Variants in PDE8B observed in about 807,000 individuals in gnomAD.
PDE8B encodes high affinity cAMP-specific and IBMX-insensitive 3',5'-cyclic phosphodiesterase 8B.
A neutral mutation model predicts 101.3 loss-of-function variants in PDE8B; 26 were observed. That is an observed-to-expected ratio of 0.26 (90% CI 0.19 to 0.36). The LOEUF (loss-of-function observed/expected upper bound fraction) is 0.36, where lower values mean the gene tolerates loss of function less well. Ranked by LOEUF, PDE8B falls within the 10% of genes least tolerant of loss-of-function variation. The pLI, the probability that PDE8B is intolerant of heterozygous loss-of-function variation, is 1.00. For synonymous variants in PDE8B, 424 were observed against 429.3 expected, an observed-to-expected ratio of 0.99 and a Z score of 0.15; for missense variants, 810 against 1,163.1, an observed-to-expected ratio of 0.70 and a Z score of 4.42.
At chr5:77,203,021 A>C in the PDE8B span, among the ~76,000 whole-genome samples, 1 of 152,212 alleles carries the variant, frequency 6.6e-6, no homozygotes, top group African/African-American at 2.4e-5. Context: ...GTCTTATTGA[A>C]AACATCAGTG....
intron 18 of PDE8B, among the ~76,000 whole-genome samples, chr5:77,419,055 GT>G (rs772333351): frequency 2.0e-5 from 3 of 152,226 alleles, no homozygotes; most frequent in Non-Finnish European, 2.9e-5. Flanking sequence ...GCTGGTCTAT[GT>G]GAACCTATTG....
chr5:77,159,686 G>T, the PDE8B span, among the ~76,000 whole-genome samples: 2 of 152,186 alleles, frequency 1.3e-5, no homozygotes, highest in Non-Finnish European at 2.9e-5. Context: ...CTGCTCTCCA[G>T]CAGTGCTAGT....
chr5:77,154,925 A>G, the PDE8B span, among the ~76,000 whole-genome samples: 448 of 152,302 alleles, frequency 2.9e-3, 5 homozygotes, highest in African/African-American at 0.01. Flanking sequence ...CAGCGGTGGC[A>G]GGGAGAGACC....
chr5:77,106,728 G>C, the PDE8B span, among the ~76,000 whole-genome samples: 2 of 152,102 alleles, frequency 1.3e-5, no homozygotes, highest in African/African-American at 2.4e-5. Flanking sequence ...TCAGATCCAT[G>C]AATATGATTT....
chr5:77,196,840 G>T, the PDE8B span, among the ~76,000 whole-genome samples: 739 of 152,156 alleles, frequency 4.9e-3, 11 homozygotes, highest in Non-Finnish European at 4.1e-3. Context: ...TTGTGAGCAG[G>T]CTGTTAAACA....
chr5:77,312,597 C>T (rs1247416413), intron 2 of PDE8B, among the ~76,000 whole-genome samples: 1 of 152,232 alleles, frequency 6.6e-6, no homozygotes, highest in African/African-American at 2.4e-5. Context: ...TGAGTCACAA[C>T]TGGGTGGGAA....
intron 6 of PDE8B, among the ~76,000 whole-genome samples, chr5:77,337,597 G>A (rs1190629322): frequency 2.0e-5 from 3 of 152,144 alleles, no homozygotes; most frequent in African/African-American, 4.8e-5. Flanking sequence ...CAATTAGATC[G>A]AGATTAGGAA....
chr5:77,117,118 G>C, the PDE8B span, among the ~76,000 whole-genome samples: 463 of 152,276 alleles, frequency 3.0e-3, no homozygotes, highest in African/African-American at 0.011. Flanking sequence ...CCTTCATCTA[G>C]ATTGTTTGCC....
In PDE8B at chr5:77,409,048, C is replaced by T. The variant is rs1193401712; in HGVS notation, c.1521C>T (p.Gly507=). Residue 507 remains glycine (G), a synonymous_variant, in exon 14 of 22, where the codon GGC becomes GGT. Transcript: ENST00000264917. Reference sequence around the variant, plus strand: ...CCCACACCAGTGATCTTGTTGGAGGCCTGATGACTGTGAGTGATGAGGCAA... The same window carrying T: ...CCCACACCAGTGATCTTGTTGGAGGTCTGATGACTGTGAGTGATGAGGCAA... ...EDPHTSDLVG[G]LMTDGLRRLS... is the part of the protein sequence containing the mutation. The T allele has an allele frequency of 1.2e-6, 2 of 1,613,724 alleles. No homozygotes were observed. Among genetic ancestry groups the T allele is most frequent in the Admixed American group, 3.3e-5 (2 of 60,010 alleles).
At chr5:77,321,309 G>T (rs1235561920) in intron 2 of PDE8B, among the ~76,000 whole-genome samples, 1 of 151,854 alleles carries the variant, frequency 6.6e-6, no homozygotes, top group African/African-American at 2.4e-5. Flanking sequence ...GCACCACCAC[G>T]CCTGGCTAAT....
At chr5:77,203,814 A>G in the PDE8B span, among the ~76,000 whole-genome samples, 2 of 152,182 alleles carry the variant, frequency 1.3e-5, no homozygotes, top group Admixed American at 6.5e-5. Context: ...TACTGAATGA[A>G]TGGATGAATT....
the PDE8B span, among the ~76,000 whole-genome samples, chr5:77,131,806 A>G: frequency 6.6e-6 from 1 of 152,214 alleles, no homozygotes; most frequent in African/African-American, 2.4e-5. Flanking sequence ...TTACAAAATT[A>G]TACAACCATG....
At chr5:77,330,319 A>C (rs974164530) in intron 4 of PDE8B, among the ~76,000 whole-genome samples, 7 of 152,308 alleles carry the variant, frequency 4.6e-5, no homozygotes, top group African/African-American at 1.7e-4. Flanking sequence ...TATGGCAAAA[A>C]GGTTTGCTAG....
At chr5:77,418,499 C>T in intron 18 of PDE8B, 53 bp downstream of exon 18, 1 of 1,257,842 alleles carries the variant, frequency 8.0e-7, no homozygotes, top group Non-Finnish European at 1.1e-6. Flanking sequence ...AAGTGGTTTT[C>T]CCAAATACTT....
At chr5:77,408,533 G>A (rs948916990) in intron 13 of PDE8B, among the ~76,000 whole-genome samples, 32 of 152,170 alleles carry the variant, frequency 2.1e-4, no homozygotes, top group Non-Finnish European at 1.5e-5. Flanking sequence ...GAGGTATATC[G>A]AAAGTCCCTA....
At chr5:77,108,734 G>A in the PDE8B span, among the ~76,000 whole-genome samples, 1 of 151,888 alleles carries the variant, frequency 6.6e-6, no homozygotes, top group Non-Finnish European at 1.5e-5. Flanking sequence ...AGTTATTTTT[G>A]CATATTTGTG....
At chr5:77,173,185 G>A in the PDE8B span, among the ~76,000 whole-genome samples, 3 of 152,314 alleles carry the variant, frequency 2.0e-5, no homozygotes, top group African/African-American at 7.2e-5. Context: ...GACAGGTACA[G>A]GAATAGAGGC....
intron 1 of PDE8B, among the ~76,000 whole-genome samples, chr5:77,253,312 AATG>A (rs1399647651): frequency 6.6e-6 from 1 of 152,172 alleles, no homozygotes; most frequent in Non-Finnish European, 1.5e-5. Flanking sequence ...GGAGACACCT[AATG>A]ATTAATGTAA....
the PDE8B span, among the ~76,000 whole-genome samples, chr5:77,116,696 T>G: frequency 8.7e-4 from 133 of 152,274 alleles, 1 homozygote; most frequent in African/African-American, 2.9e-3. Context: ...TACAGCCCAA[T>G]TTTTCCATAA....
Sources: allele counts gnomAD v4.1 joint callset (sites outside exome capture counted in the v4.1 genomes callset), GRCh38; gene constraint gnomAD v4.1.1; transcripts MANE v1.5; gene names NCBI Gene and HGNC (gene_info 2026-07-23, HGNC 2026-07-21).